The following CREB5 variants were observed in gnomAD, a reference collection of about 807,000 sequenced individuals.
CREB5 encodes the protein cAMP responsive element binding protein 5, also known as cyclic AMP-responsive element-binding protein 5.
CREB5 carries 19 observed loss-of-function variants against 57.1 expected under a neutral mutation model. That is an observed-to-expected ratio of 0.33 (90% CI 0.23 to 0.49). CREB5 has a LOEUF of 0.49. CREB5 is among the 20% of genes least tolerant of loss of function. The pLI is 0.99. For missense variants in CREB5, 579 were observed against 671.6 expected, an observed-to-expected ratio of 0.86 and a Z score of 1.52; for synonymous variants, 238 against 238.3, an observed-to-expected ratio of 1.00 and a Z score of 0.01.
At chr7:28,639,676 A>G (rs1798569917) in intron 5 of CREB5, among the ~76,000 whole-genome samples, 1 of 152,128 alleles carries the variant, frequency 6.6e-6, no homozygotes, top group Non-Finnish European at 1.5e-5. Context: ...GTCATCAAGA[A>G]CAGACCTCAA....
chr7:28,581,848 T>C (rs779810560), intron 5 of CREB5, among the ~76,000 whole-genome samples: 1 of 152,228 alleles, frequency 6.6e-6, no homozygotes, highest in Non-Finnish European at 1.5e-5. Context: ...ATCAATGCCC[T>C]GTCTGCCTGT....
chr7:28,591,686 A>C (rs1187756273), intron 5 of CREB5, among the ~76,000 whole-genome samples: 1 of 152,226 alleles, frequency 6.6e-6, no homozygotes, highest in African/African-American at 2.4e-5. Flanking sequence ...AAAAGGGACA[A>C]TCTGAGCCCA....
intron 7 of CREB5, among the ~76,000 whole-genome samples, chr7:28,749,126 T>G (rs1265312660): frequency 6.6e-6 from 1 of 152,222 alleles, no homozygotes; most frequent in Admixed American, 6.5e-5. Flanking sequence ...ATTCTCTGAG[T>G]GTTTCAGCAT....
rs560457951 is a variant in CREB5, at chr7:28,453,197, G to A, written c.4-34978G>A. ...TTATACCTATAATCCCAGCACTTTC[G>A]GAGGCCAAGGTGGGAGGATTGCTTG... On this transcript the variant is annotated intron_variant, in intron 1 of 10. Transcript: ENST00000357727. 4.6e-5 allele frequency among the ~76,000 whole-genome samples: 7 copies of A among 152,182 alleles called. No homozygotes were observed. The South Asian group carries it at 1.0e-3, about 23-fold the overall frequency.
At chr7:28,398,338 C>A (rs113135006) in intron 1 of CREB5, among the ~76,000 whole-genome samples, 1,730 of 152,232 alleles carry the variant, frequency 0.011, 28 homozygotes, top group African/African-American at 0.039. Flanking sequence ...GGCTTTGTGG[C>A]AAAGGTAGAC....
At chr7:28,314,049 G>A (rs1407685713) in intron 1 of CREB5, among the ~76,000 whole-genome samples, 3 of 152,090 alleles carry the variant, frequency 2.0e-5, no homozygotes, top group Non-Finnish European at 4.4e-5. Context: ...AATTATTAAG[G>A]GCTGATTTTT....
chr7:28,686,318 T>A (rs1800905393), intron 5 of CREB5: 9 of 707,680 alleles, frequency 1.3e-5, no homozygotes, highest in Non-Finnish European at 2.2e-5. Flanking sequence ...CCCTTCTCCC[T>A]TTCTGCCCGT....
At chr7:28,311,439 C>T (rs1341424273) in intron 1 of CREB5, among the ~76,000 whole-genome samples, 3 of 152,212 alleles carry the variant, frequency 2.0e-5, no homozygotes, top group East Asian at 1.9e-4. Context: ...GAAAACATAT[C>T]CCCCACTGTC....
intron 8 of CREB5, among the ~76,000 whole-genome samples, chr7:28,808,557 G>A (rs11770403): frequency 1.3e-5 from 2 of 152,028 alleles, no homozygotes; most frequent in African/African-American, 2.4e-5. Flanking sequence ...TTTTGTTTTA[G>A]AGACAAGGTC....
At chr7:28,468,095 G>A (rs1339000019) in intron 1 of CREB5, among the ~76,000 whole-genome samples, 1 of 152,136 alleles carries the variant, frequency 6.6e-6, no homozygotes, top group Non-Finnish European at 1.5e-5. Context: ...ATTAGTTGCT[G>A]AGTGGTAAGG....
In CREB5 at chr7:28,612,064, G is replaced by C. The variant is rs534604838; in HGVS notation, c.464+41527G>C. Among the ~76,000 whole-genome samples the C allele has an allele frequency of 1.2e-4, 18 of 152,294 alleles. No individual in the cohort carries two copies. In the East Asian group the frequency reaches 3.5e-3, roughly 29 times the overall value. ...CCAACCTATGAGCTCATGATGCCAG[G>C]AAAGCTGTTCTAGAAAAAGCAGAGA... On this transcript the variant is annotated intron_variant, in intron 5 of 10. Transcript: ENST00000357727.
At chr7:28,580,592 T>TGTGTGTGA (rs371355013) in intron 5 of CREB5, among the ~76,000 whole-genome samples, 6 of 143,762 alleles carry the variant, frequency 4.2e-5, no homozygotes, top group African/African-American at 1.5e-4. Flanking sequence ...TGTGTGTGTG[T>TGTGTGTGA]GAGAGAGAGA....
chr7:28,691,550 G>A (rs1286767483), intron 5 of CREB5, among the ~76,000 whole-genome samples: 1 of 151,948 alleles, frequency 6.6e-6, no homozygotes, highest in Non-Finnish European at 1.5e-5. Context: ...GGTTAAAAAA[G>A]GATGTTTTGT....
intron 5 of CREB5, among the ~76,000 whole-genome samples, chr7:28,711,009 T>C (rs918985277): frequency 3.7e-4 from 57 of 152,100 alleles, no homozygotes; most frequent in African/African-American, 1.3e-3. Flanking sequence ...GGCGCTTCCA[T>C]GAAGGTGAAA....
intron 5 of CREB5, among the ~76,000 whole-genome samples, chr7:28,574,610 A>G (rs924114035): frequency 6.6e-6 from 1 of 152,212 alleles, no homozygotes; most frequent in Non-Finnish European, 1.5e-5. Context: ...TTCTACAAGA[A>G]TGGATATCAG....
At chr7:28,435,814 C>A in intron 1 of CREB5, 1 of 298,682 alleles carries the variant, frequency 3.3e-6, no homozygotes, top group Non-Finnish European at 4.9e-6. Flanking sequence ...ACTTGTTCTT[C>A]TTGGCTGAGA....
chr7:28,767,047 G>A (rs78290245), intron 7 of CREB5, among the ~76,000 whole-genome samples: 2,451 of 152,268 alleles, frequency 0.016, 52 homozygotes, highest in Admixed American at 0.069. Context: ...TTTTAACAAA[G>A]AGTAATACAC....
At chr7:28,410,196 G>A (rs1301690264), upstream of CREB5, 1 of 451,726 alleles carries the variant, frequency 2.2e-6, no homozygotes, top group Non-Finnish European at 4.4e-6. Context: ...GAGGGCGCTT[G>A]GCTTTCGCTC....
At chr7:28,577,598 C>T (rs1423449215) in intron 5 of CREB5, among the ~76,000 whole-genome samples, 1 of 152,174 alleles carries the variant, frequency 6.6e-6, no homozygotes, top group African/African-American at 2.4e-5. Context: ...AAGTGACTTG[C>T]CCCAGGTCAT....
Sources: gnomAD v4.1 joint callset for allele counts (sites outside exome capture counted in the v4.1 genomes callset) on GRCh38, gnomAD v4.1.1 for gene constraint, MANE v1.5 for transcripts, NCBI Gene and HGNC (gene_info 2026-07-23, HGNC 2026-07-21) for gene names.